MAML3: variants seen among roughly 807,000 people sequenced by gnomAD.
MAML3 encodes the protein mastermind-like protein 3.
MAML3 carries 27 observed loss-of-function variants against 101.9 expected under a neutral mutation model. The ratio of observed to expected loss-of-function variants is 0.27; its 90% CI spans 0.20 to 0.37. The LOEUF (loss-of-function observed/expected upper bound fraction) is 0.37, where lower values mean the gene tolerates loss of function less well. MAML3 is among the 10% of genes least tolerant of loss of function. The pLI, the probability that MAML3 is intolerant of heterozygous loss-of-function variation, is 1.00. For synonymous variants in MAML3, 501 were observed against 555.9 expected (o/e 0.90, Z 1.39); for missense variants, 1,316 against 1,444.9 (o/e 0.91, Z 1.45).
At chr4:139,933,767 A>C (rs771217094) in intron 1 of MAML3, among the ~76,000 whole-genome samples, 1 of 152,200 alleles carries the variant, frequency 6.6e-6, no homozygotes, top group African/African-American at 2.4e-5. Context: ...AGTAACAGGC[A>C]GCTTGTAACC....
intron 1 of MAML3, among the ~76,000 whole-genome samples, chr4:139,997,217 T>C (rs1477713247): frequency 1.4e-4 from 21 of 151,482 alleles, no homozygotes; most frequent in Admixed American, 1.4e-3. Context: ...TATTTTTCTA[T>C]GTCACTTTTT....
At chr4:140,147,701 C>T (rs539954828) in intron 1 of MAML3, among the ~76,000 whole-genome samples, 2 of 152,322 alleles carry the variant, frequency 1.3e-5, no homozygotes, top group Admixed American at 6.5e-5. Context: ...ATTGATTTCA[C>T]AGTTCTCCAA....
intron 1 of MAML3, among the ~76,000 whole-genome samples, chr4:140,119,960 G>A (rs1286268555): frequency 6.6e-6 from 1 of 152,034 alleles, no homozygotes; most frequent in Non-Finnish European, 1.5e-5. Flanking sequence ...ACCAAAGGCC[G>A]GGCGCGGTGG....
At chr4:139,828,128 C>A (rs1372020633) in intron 2 of MAML3, among the ~76,000 whole-genome samples, 3 of 152,132 alleles carry the variant, frequency 2.0e-5, no homozygotes, top group African/African-American at 7.2e-5. Context: ...TTCCTACATA[C>A]AATTATAGTT....
intron 2 of MAML3, among the ~76,000 whole-genome samples, chr4:139,786,095 G>A (rs1049994619): frequency 4.6e-5 from 7 of 152,004 alleles, no homozygotes; most frequent in Non-Finnish European, 1.0e-4. Context: ...CTAAGAAGAG[G>A]AAATTTGGAC....
chr4:139,860,631 A>G (rs1423742447), intron 2 of MAML3, among the ~76,000 whole-genome samples: 2 of 152,320 alleles, frequency 1.3e-5, no homozygotes, highest in Non-Finnish European at 2.9e-5. Flanking sequence ...GTGTGACGTC[A>G]TCAATCTTCT....
chr4:139,901,629 T>A (rs1282419955), intron 1 of MAML3, among the ~76,000 whole-genome samples: 1 of 152,114 alleles, frequency 6.6e-6, no homozygotes, highest in Non-Finnish European at 1.5e-5. Context: ...TTCCTCCCCA[T>A]AAGGGAGGAG....
chr4:140,092,827 C>T (rs1728084317), intron 1 of MAML3, among the ~76,000 whole-genome samples: 1 of 150,868 alleles, frequency 6.6e-6, no homozygotes, highest in African/African-American at 2.4e-5. Context: ...TGACCACACT[C>T]CAGTTTTGTG....
intron 1 of MAML3, among the ~76,000 whole-genome samples, chr4:140,150,677 G>A (rs1041013691): frequency 2.0e-5 from 3 of 152,184 alleles, no homozygotes; most frequent in Non-Finnish European, 2.9e-5. Context: ...GGGTGGGCAG[G>A]CATGAAACCT....
intron 3 of MAML3, among the ~76,000 whole-genome samples, chr4:139,729,582 C>A (rs1728619809): frequency 6.6e-6 from 1 of 152,198 alleles, no homozygotes; most frequent in South Asian, 2.1e-4. Flanking sequence ...TAAGAAAGAG[C>A]CTGCTGTGCA....
intron 1 of MAML3, among the ~76,000 whole-genome samples, chr4:139,967,685 T>C (rs1280816376): frequency 6.6e-6 from 1 of 151,970 alleles, no homozygotes; most frequent in Non-Finnish European, 1.5e-5. Context: ...TACAAAATCA[T>C]AGTGTCTGCA....
intron 2 of MAML3, among the ~76,000 whole-genome samples, chr4:139,814,553 G>A (rs1449946499): frequency 6.6e-6 from 1 of 152,164 alleles, no homozygotes; most frequent in African/African-American, 2.4e-5. Flanking sequence ...CCACAGATCT[G>A]TGCCCAAGCT....
intron 1 of MAML3, among the ~76,000 whole-genome samples, chr4:140,046,961 T>C (rs1727193230): frequency 6.6e-6 from 1 of 151,894 alleles, no homozygotes; most frequent in South Asian, 2.1e-4. Flanking sequence ...AAGGGAACAG[T>C]AAAGACAACT....
At chr4:139,968,275 A>T (rs1474069853) in intron 1 of MAML3, among the ~76,000 whole-genome samples, 1 of 148,486 alleles carries the variant, frequency 6.7e-6, no homozygotes, top group Non-Finnish European at 1.5e-5. Flanking sequence ...GTGCCACTAC[A>T]CTCCAGCCTG....
chr4:139,826,243 C>T (rs910214953), intron 2 of MAML3, among the ~76,000 whole-genome samples: 1 of 152,024 alleles, frequency 6.6e-6, no homozygotes, highest in African/African-American at 2.4e-5. Context: ...GTCCCTTCTA[C>T]CCTGGAAAGC....
intron 3 of MAML3, 88 bp from the exon 4 acceptor site, chr4:139,725,923 T>C: frequency 9.1e-7 from 1 of 1,094,234 alleles, no homozygotes; most frequent in Non-Finnish European, 1.4e-6. Flanking sequence ...AGGAAGGTAG[T>C]GTTTTCCCCA....
At chr4:140,108,601 C>T (rs1168001607) in intron 1 of MAML3, among the ~76,000 whole-genome samples, 3 of 148,632 alleles carry the variant, frequency 2.0e-5, no homozygotes, top group African/African-American at 7.5e-5. Flanking sequence ...AGATGCTCAA[C>T]AAATGTTAGA....
chr4:140,013,125 G>A (rs1176958627), intron 1 of MAML3, among the ~76,000 whole-genome samples: 1 of 152,120 alleles, frequency 6.6e-6, no homozygotes, highest in Admixed American at 6.5e-5. Context: ...AACTATTTGG[G>A]TATACCTATT....
intron 1 of MAML3, chr4:140,127,983 T>G (rs1482814855): frequency 6.6e-6 from 1 of 152,232 alleles, no homozygotes; most frequent in Non-Finnish European, 1.5e-5. Context: ...TTGGAGCCAC[T>G]TTAATGTGAC....
Sources: gnomAD v4.1 joint callset for allele counts (sites outside exome capture counted in the v4.1 genomes callset) on GRCh38, gnomAD v4.1.1 for gene constraint, MANE v1.5 for transcripts, NCBI Gene and HGNC (gene_info 2026-07-23, HGNC 2026-07-21) for gene names.